The following SPPL3 variants were observed in gnomAD, a reference collection of about 807,000 sequenced individuals.
SPPL3 encodes the protein signal peptide peptidase like 3, also known as signal peptide peptidase-like 3.
Under a neutral mutation model 42.4 loss-of-function variants are expected in SPPL3, and 5 were observed. The ratio of observed to expected loss-of-function variants is 0.12; its 90% CI spans 0.06 to 0.25. The LOEUF (loss-of-function observed/expected upper bound fraction) is 0.25, where lower values mean the gene tolerates loss of function less well. Ranked by LOEUF, SPPL3 falls within the 10% of genes least tolerant of loss-of-function variation. The pLI, the probability that SPPL3 is intolerant of heterozygous loss-of-function variation, is 1.00. For missense variants in SPPL3, 235 were observed against 489.0 expected, an observed-to-expected ratio of 0.48 and a Z score of 4.90; for synonymous variants, 195 against 181.8, an observed-to-expected ratio of 1.07 and a Z score of -0.58.
chr12:120,860,614 T>C (rs1366119876), intron 1 of SPPL3, among the ~76,000 whole-genome samples: 3 of 152,184 alleles, frequency 2.0e-5, no homozygotes, highest in Admixed American at 6.5e-5. Context: ...TGGGCATGTA[T>C]TTTGTTAAGT....
At chr12:120,850,450 A>G (rs1007043411) in intron 1 of SPPL3, among the ~76,000 whole-genome samples, 12 of 149,076 alleles carry the variant, frequency 8.0e-5, no homozygotes, top group African/African-American at 2.7e-4. Context: ...CTTGAGCCCA[A>G]GAGTTCAAGA....
chr12:120,788,795 ACTTT>A (rs1414863508), intron 3 of SPPL3, among the ~76,000 whole-genome samples: 1 of 152,136 alleles, frequency 6.6e-6, no homozygotes, highest in Non-Finnish European at 1.5e-5. Context: ...CTAAATTTAT[ACTTT>A]CTTTTTCTCA....
chr12:120,903,731 C>A lies in SPPL3; in HGVS notation c.23+114G>T. 10 of 536,142 alleles carry A rather than the reference C, an allele frequency of 1.9e-5. No individual in the cohort carries two copies. In the South Asian group the frequency reaches 2.0e-4, roughly 11 times the overall value. 33.2% of individuals were successfully genotyped at this position (536,142 alleles called of 1,614,324 possible). ...AGAGGGGGGCGTGCACCCCAACCCG[C>A]GCCCCCCCCCCACGACACGCACCTG... On this transcript the variant is annotated intron_variant, in intron 1 of 10. Transcript: ENST00000353487.
chr12:120,797,436 A>T (rs1436214595), intron 2 of SPPL3, among the ~76,000 whole-genome samples: 1 of 152,152 alleles, frequency 6.6e-6, no homozygotes, highest in Non-Finnish European at 1.5e-5. Context: ...AACTCTCAGG[A>T]ATACTGTCCT....
intron 1 of SPPL3, among the ~76,000 whole-genome samples, chr12:120,844,598 GTCT>G (rs1871954992): frequency 6.6e-6 from 1 of 152,108 alleles, no homozygotes; most frequent in African/African-American, 2.4e-5. Context: ...AGTTTCACTG[GTCT>G]TCTTTCTGCT....
chr12:120,895,137 G>GA (rs1873761193), intron 1 of SPPL3, among the ~76,000 whole-genome samples: 1 of 151,192 alleles, frequency 6.6e-6, no homozygotes, highest in Non-Finnish European at 1.5e-5. Context: ...AAACTAACAT[G>GA]AAAAAACAGG....
chr12:120,778,073 CAT>C (rs953707706), intron 6 of SPPL3, among the ~76,000 whole-genome samples: 5 of 144,444 alleles, frequency 3.5e-5, no homozygotes, highest in African/African-American at 1.3e-4. Flanking sequence ...AAAATAAAAA[CAT>C]ATTTAACATT....
chr12:120,859,093 A>G (rs1333878998), intron 1 of SPPL3, among the ~76,000 whole-genome samples: 1 of 152,104 alleles, frequency 6.6e-6, no homozygotes, highest in East Asian at 1.9e-4. Context: ...TTTTTTTTCT[A>G]TAAAGAAAAC....
intron 3 of SPPL3, among the ~76,000 whole-genome samples, chr12:120,787,728 G>T (rs1027983757): frequency 1.3e-5 from 2 of 151,988 alleles, no homozygotes; most frequent in Admixed American, 1.3e-4. Context: ...TTCCACCCAA[G>T]CACGCATCCT....
chr12:120,847,300 A>ATTTG (rs1374647220), intron 1 of SPPL3, among the ~76,000 whole-genome samples: 1 of 152,006 alleles, frequency 6.6e-6, no homozygotes, highest in Non-Finnish European at 1.5e-5. Context: ...TTATTTATTT[A>ATTTG]TTTATTTTTT....
intron 1 of SPPL3, among the ~76,000 whole-genome samples, chr12:120,896,959 G>A (rs1307447222): frequency 6.6e-6 from 1 of 152,262 alleles, no homozygotes; most frequent in East Asian, 1.9e-4. Context: ...GTCACACACA[G>A]TTTCAGATGC....
At chr12:120,806,144 A>AT in intron 2 of SPPL3, among the ~76,000 whole-genome samples, 1 of 152,174 alleles carries the variant, frequency 6.6e-6, no homozygotes, top group East Asian at 1.9e-4. Context: ...TGGCACTGGC[A>AT]TAAGAAGAGA....
At chr12:120,867,200 TA>T (rs1198199046) in intron 1 of SPPL3, among the ~76,000 whole-genome samples, 1 of 152,194 alleles carries the variant, frequency 6.6e-6, no homozygotes, top group Non-Finnish European at 1.5e-5. Flanking sequence ...AAATGTAACT[TA>T]AAATTCAGCC....
intron 1 of SPPL3, among the ~76,000 whole-genome samples, chr12:120,846,992 A>T (rs1481509113): frequency 6.6e-6 from 1 of 152,218 alleles, no homozygotes; most frequent in African/African-American, 2.4e-5. Flanking sequence ...GTTTATTATA[A>T]CTAAATCTCA....
At chr12:120,848,070 G>A (rs1872102894) in intron 1 of SPPL3, among the ~76,000 whole-genome samples, 1 of 152,122 alleles carries the variant, frequency 6.6e-6, no homozygotes, top group African/African-American at 2.4e-5. Context: ...AGGTGGTGGT[G>A]GTGCATGTGC....
At chr12:120,856,563 T>C (rs141486232) in intron 1 of SPPL3, among the ~76,000 whole-genome samples, 18 of 109,806 alleles carry the variant, frequency 1.6e-4, no homozygotes, top group Non-Finnish European at 2.7e-4. Context: ...AAAACGAAAA[T>C]AAAAATTTAA....
At chr12:120,782,858 T>G (rs1869590956) in intron 5 of SPPL3, 91 bp from the exon 6 acceptor site, 2 of 896,682 alleles carry the variant, frequency 2.2e-6, no homozygotes, top group African/African-American at 3.3e-5. Flanking sequence ...TGGATTAGAA[T>G]AGCAGATAAT....
rs898672970 is a variant in SPPL3 at position 120,764,799 on chromosome 12, C to T, written c.*200G>A. ...TTGGAAGGGGCCCCACCTCTACATCCGCAGGAAGAGAAGGAACCAAACAGG... is the reference window on the plus strand; with the variant it reads ...TTGGAAGGGGCCCCACCTCTACATCTGCAGGAAGAGAAGGAACCAAACAGG... On this transcript the variant is annotated 3_prime_UTR_variant, in exon 11 of 11. Transcript: ENST00000353487. The T allele has an allele frequency of 1.2e-5, 7 of 569,586 alleles. No individual in the cohort carries two copies. Among genetic ancestry groups the T allele is most frequent in the East Asian group, 1.2e-4 (4 of 33,022 alleles). The allele number at this position is 569,586 out of a possible 1,614,324, so 35.3% of individuals were successfully genotyped here.
At chr12:120,801,469 A>G (rs181459179) in intron 2 of SPPL3, among the ~76,000 whole-genome samples, 326 of 152,028 alleles carry the variant, frequency 2.1e-3, no homozygotes, top group Middle Eastern at 3.4e-3. Context: ...TTTTGTGCAC[A>G]TTAACAAATC....
Sources: allele counts gnomAD v4.1 joint callset (sites outside exome capture counted in the v4.1 genomes callset), GRCh38; gene constraint gnomAD v4.1.1; transcripts MANE v1.5; gene names NCBI Gene and HGNC (gene_info 2026-07-23, HGNC 2026-07-21).